The following FLRT2 variants were observed in gnomAD, a reference collection of about 807,000 sequenced individuals.
FLRT2 encodes fibronectin leucine rich transmembrane protein 2.
In FLRT2, 15 loss-of-function variants were observed where a neutral mutation model predicts 40.0. That is an observed-to-expected ratio of 0.38 (90% confidence interval 0.25 to 0.58). The LOEUF is 0.58. FLRT2 is among the 20% of genes least tolerant of loss of function. The pLI is 0.71. For synonymous variants in FLRT2, 380 were observed against 336.8 expected, an observed-to-expected ratio of 1.13 and a Z score of -1.41; for missense variants, 726 against 840.0, an observed-to-expected ratio of 0.86 and a Z score of 1.68.
chr14:85,542,273 C>T (rs1482238074), intron 1 of FLRT2, among the ~76,000 whole-genome samples: 2 of 152,054 alleles, frequency 1.3e-5, no homozygotes, highest in Non-Finnish European at 2.9e-5. Flanking sequence ...ATACATGGTA[C>T]TGGGGTTATT....
chr14:85,571,274 T>A (rs1249042428), intron 1 of FLRT2, among the ~76,000 whole-genome samples: 1 of 152,188 alleles, frequency 6.6e-6, no homozygotes, highest in Non-Finnish European at 1.5e-5. Context: ...TCTTTGAGAA[T>A]AGAAATTATC....
At chr14:85,574,486 G>A (rs1043752529) in intron 1 of FLRT2, among the ~76,000 whole-genome samples, 4 of 152,038 alleles carry the variant, frequency 2.6e-5, no homozygotes, top group African/African-American at 9.7e-5. Flanking sequence ...TGAGACAGAG[G>A]GTTTGTAGAG....
At chr14:85,561,053 GC>G (rs1193281694) in intron 1 of FLRT2, 1 of 152,004 alleles carries the variant, frequency 6.6e-6, no homozygotes, top group East Asian at 1.9e-4. Flanking sequence ...AGTATGTAGA[GC>G]ACTACATTTT....
chr14:85,590,135 G>T (rs1195649661), intron 1 of FLRT2, among the ~76,000 whole-genome samples: 1 of 151,534 alleles, frequency 6.6e-6, no homozygotes, highest in African/African-American at 2.4e-5. Flanking sequence ...TGCATCATAT[G>T]GGATTTTGCA....
intron 1 of FLRT2, among the ~76,000 whole-genome samples, chr14:85,543,840 C>T (rs971353686): frequency 1.3e-5 from 2 of 152,182 alleles, no homozygotes; most frequent in Non-Finnish European, 2.9e-5. Context: ...TTACTCCTTT[C>T]TCTGGGCTTC....
At chr14:85,564,821 A>C (rs1566730687) in intron 1 of FLRT2, among the ~76,000 whole-genome samples, 1 of 152,196 alleles carries the variant, frequency 6.6e-6, no homozygotes, top group Non-Finnish European at 1.5e-5. Context: ...GAATTGTAAT[A>C]GCACTGATCT....
At chr14:85,530,834 G>T (rs1202332009) in intron 1 of FLRT2, among the ~76,000 whole-genome samples, 1 of 151,996 alleles carries the variant, frequency 6.6e-6, no homozygotes, top group Non-Finnish European at 1.5e-5. Flanking sequence ...TGCTAAATTG[G>T]GGTTCTCAGT....
At chr14:85,570,175 T>C (rs1201631622) in intron 1 of FLRT2, among the ~76,000 whole-genome samples, 15 of 152,318 alleles carry the variant, frequency 9.8e-5, no homozygotes, top group South Asian at 8.3e-4. Context: ...GAAAATGTTC[T>C]CTGGTTCCTT....
chr14:85,609,680 T>A (rs574187917), intron 1 of FLRT2, among the ~76,000 whole-genome samples: 20 of 152,194 alleles, frequency 1.3e-4, no homozygotes, highest in Admixed American at 2.6e-4. Context: ...AGTGGGCACC[T>A]GCACGCCTTA....
chr14:85,534,326 C>G (rs116286622), intron 1 of FLRT2, among the ~76,000 whole-genome samples: 1 of 152,278 alleles, frequency 6.6e-6, no homozygotes, highest in African/African-American at 2.4e-5. Flanking sequence ...ACCGCACGCT[C>G]CCCCCTTCAC....
At chr14:85,536,482 A>T (rs1888666415) in intron 1 of FLRT2, among the ~76,000 whole-genome samples, 1 of 152,226 alleles carries the variant, frequency 6.6e-6, no homozygotes, top group Non-Finnish European at 1.5e-5. Context: ...ATTTGTATTC[A>T]GGTCAGACTT....
At chr14:85,610,416 G>T (rs970703044) in intron 1 of FLRT2, among the ~76,000 whole-genome samples, 21 of 152,174 alleles carry the variant, frequency 1.4e-4, no homozygotes, top group Admixed American at 6.5e-5. Flanking sequence ...GATCCAGGTA[G>T]CGTCTTTGAT....
intron 1 of FLRT2, among the ~76,000 whole-genome samples, chr14:85,597,374 T>A (rs894250125): frequency 6.6e-6 from 1 of 152,218 alleles, no homozygotes; most frequent in Non-Finnish European, 1.5e-5. Flanking sequence ...TTGATTTCTT[T>A]ATGAGAAAAT....
Position 85,646,178 on chromosome 14 carries a change from G to A in FLRT2, c.*22681G>A, listed in dbSNP as rs2139405373. The A allele has an allele frequency of 6.6e-6, 1 of 152,188 alleles. No homozygotes were observed. Among genetic ancestry groups the A allele is most frequent in the East Asian group, 1.9e-4 (1 of 5,190 alleles). 9.4% of individuals were successfully genotyped at this position (152,188 alleles called of 1,614,324 possible). On this transcript the variant is annotated 3_prime_UTR_variant, in exon 2 of 2. Coordinates refer to ENST00000330753, the MANE Select transcript of FLRT2 (RefSeq NM_013231.6). ...TCACTGTTATCATTCACCACAAGTT[G>A]CCTGAAGCAACCAGCCTTTAAAATA... is the stretch of plus-strand genomic sequence containing the variant.
intron 1 of FLRT2, among the ~76,000 whole-genome samples, chr14:85,581,271 C>T (rs1472314739): frequency 6.6e-6 from 1 of 152,178 alleles, no homozygotes; most frequent in Non-Finnish European, 1.5e-5. Context: ...TCGAGGGCAG[C>T]AGCAGTCCTT....
intron 1 of FLRT2, among the ~76,000 whole-genome samples, chr14:85,548,829 C>T (rs1455730782): frequency 2.6e-5 from 4 of 152,186 alleles, no homozygotes; most frequent in East Asian, 1.9e-4. Flanking sequence ...TTTCCCCACC[C>T]GAATGTTGCC....
intron 1 of FLRT2, among the ~76,000 whole-genome samples, chr14:85,607,262 T>A (rs1200764348): frequency 6.6e-6 from 1 of 152,150 alleles, no homozygotes; most frequent in East Asian, 1.9e-4. Flanking sequence ...CTCCCTCCTC[T>A]CCTGGAAGTT....
rs1893952101 is a variant in FLRT2, at chr14:85,634,365, T to C, written c.*10868T>C. The C allele has an allele frequency of 6.6e-6, 1 of 152,204 alleles. No homozygotes were observed. Among genetic ancestry groups the C allele is most frequent in the Non-Finnish European group, 1.5e-5 (1 of 68,050 alleles). 9.4% of individuals were successfully genotyped at this position (152,204 alleles called of 1,614,324 possible). On this transcript the variant is annotated 3_prime_UTR_variant, in exon 2 of 2. Coordinates refer to ENST00000330753, the MANE Select transcript of FLRT2 (RefSeq NM_013231.6). The stretch of plus-strand genomic sequence containing the variant: ...TCTCTATTCTGTTTGGACTAGTGTC[T>C]GTTTTGACTGGTAGGCCTCAGCTAT...
chr14:85,618,837 A>G (rs1893253594), intron 1 of FLRT2, among the ~76,000 whole-genome samples: 1 of 152,064 alleles, frequency 6.6e-6, no homozygotes. Context: ...CCATCTTGCC[A>G]GGTTAGGCTC....
Sources: gnomAD v4.1 joint callset for allele counts (sites outside exome capture counted in the v4.1 genomes callset) on GRCh38, gnomAD v4.1.1 for gene constraint, MANE v1.5 for transcripts, NCBI Gene and HGNC (gene_info 2026-07-23, HGNC 2026-07-21) for gene names.